Variants in LYZL1 observed in about 807,000 individuals in gnomAD.
LYZL1 encodes the protein lysozyme-like protein 1.
A neutral mutation model predicts 17.9 loss-of-function variants in LYZL1; 16 were observed. The observed-to-expected ratio is 0.90, with a 90% confidence interval of 0.61 to 1.36. The LOEUF is 1.36. LYZL1 is among the 40% of genes most tolerant of loss of function. The pLI, the probability that LYZL1 is intolerant of heterozygous loss-of-function variation, is 0.00. For synonymous variants in LYZL1, 58 were observed against 71.8 expected (o/e 0.81, Z 0.97); for missense variants, 149 against 188.4 (o/e 0.79, Z 1.22).
At chr10:29,311,530 C>A (rs1835672682), downstream of LYZL1, among the ~76,000 whole-genome samples, 1 of 151,968 alleles carries the variant, frequency 6.6e-6, no homozygotes, top group Non-Finnish European at 1.5e-5. Flanking sequence ...AGCCTAGACA[C>A]CATTTATCTA....
chr10:29,296,854 G>T (rs534383717), intron 3 of LYZL1, among the ~76,000 whole-genome samples: 10 of 152,282 alleles, frequency 6.6e-5, no homozygotes, highest in Admixed American at 2.0e-4. Context: ...ACAGGGCTCT[G>T]CCAGCCTTTA....
Position 29,310,112 on chromosome 10 carries a change from T to A in LYZL1, c.301T>A (p.Leu101Met), listed in dbSNP as rs1389878345. The A allele has an allele frequency of 1.2e-5, 20 of 1,609,910 alleles. No homozygotes were observed. Among genetic ancestry groups the A allele is most frequent in the Non-Finnish European group, 1.6e-5 (19 of 1,176,508 alleles). ...CTGATGTCTTCTCTCTTTTACAGCC[T>A]TGATCACTGATGACCTCACAGATGC... ...NNHCHVACSA[L>M]ITDDLTDAII... The change falls in exon 4 of 5, where the codon TTG becomes ATG. Residue 101 changes from leucine to methionine, a missense_variant and splice_region_variant. By Grantham distance (15) the Leu-to-Met change is conservative. This residue lies in a region of LYZL1 where 130 missense variants were observed against 132.5 expected (regional missense o/e 0.98). Transcript: ENST00000649382.
At chr10:29,293,027 T>C (rs1476107583) in intron 3 of LYZL1, among the ~76,000 whole-genome samples, 2 of 152,190 alleles carry the variant, frequency 1.3e-5, no homozygotes, top group African/African-American at 4.8e-5. Context: ...GCTCAGAGGA[T>C]GCAGTTTGTA....
At chr10:29,303,949 G>A (rs1483846654) in intron 3 of LYZL1, among the ~76,000 whole-genome samples, 1 of 152,124 alleles carries the variant, frequency 6.6e-6, no homozygotes, top group Admixed American at 6.6e-5. Flanking sequence ...TGGTAGAGAA[G>A]GGGGTCTCGC....
chr10:29,294,615 A>C (rs913182108), intron 3 of LYZL1, among the ~76,000 whole-genome samples: 11 of 152,216 alleles, frequency 7.2e-5, no homozygotes. Context: ...GAGCTCAATA[A>C]ATGTTTATTG....
At chr10:29,311,365 CTG>C, downstream of LYZL1, 1 of 649,190 alleles carries the variant, frequency 1.5e-6, no homozygotes, top group Non-Finnish European at 2.2e-6. Context: ...GGCCCTGAAA[CTG>C]CTGCTCATTC....
intron 2 of LYZL1, 72 bp downstream of exon 2, chr10:29,292,078 A>C: frequency 1.3e-6 from 2 of 1,533,828 alleles, no homozygotes; most frequent in Non-Finnish European, 1.8e-6. Flanking sequence ...TCCTGGCCAC[A>C]CTCCCTGCTG....
intron 3 of LYZL1, among the ~76,000 whole-genome samples, chr10:29,297,228 GA>G (rs1393687919): frequency 4.0e-5 from 6 of 151,852 alleles, no homozygotes; most frequent in Non-Finnish European, 7.4e-5. Context: ...AAAGCAGAGT[GA>G]AAAAAAGAGA....
intron 3 of LYZL1, among the ~76,000 whole-genome samples, chr10:29,295,997 C>A (rs1327541866): frequency 6.6e-6 from 1 of 152,104 alleles, no homozygotes; most frequent in Non-Finnish European, 1.5e-5. Flanking sequence ...ACAGACCTGT[C>A]AGCACTTTGA....
rs1564394495 is a variant in LYZL1, at chr10:29,311,140, C to T, written c.*81C>T. The stretch of plus-strand genomic sequence containing the variant: ...TCCAAATGCCTGTGTCATCTTGTCC[C>T]GTTTCCTCCCAATATTCCTTCTCAA... On this transcript the variant is annotated 3_prime_UTR_variant, in exon 5 of 5. Coordinates refer to ENST00000649382, the MANE Select transcript of LYZL1 (RefSeq NM_032517.6). 29 of 1,612,916 alleles carry T rather than the reference C, an allele frequency of 1.8e-5. No homozygotes were observed. Among genetic ancestry groups the T allele is most frequent in the East Asian group, 4.5e-5 (2 of 44,844 alleles).
At chr10:29,289,941 T>A (rs994487634) in intron 1 of LYZL1, among the ~76,000 whole-genome samples, 3 of 152,212 alleles carry the variant, frequency 2.0e-5, no homozygotes, top group African/African-American at 7.2e-5. Flanking sequence ...CAATAAAACT[T>A]TACATACAAA....
chr10:29,300,251 A>G (rs1228877925), intron 3 of LYZL1, among the ~76,000 whole-genome samples: 1 of 152,090 alleles, frequency 6.6e-6, no homozygotes, highest in East Asian at 1.9e-4. Flanking sequence ...TAAAAAAAAA[A>G]TTATTATTCT....
At chr10:29,291,578 T>C (rs1318309141) in intron 1 of LYZL1, among the ~76,000 whole-genome samples, 1 of 151,898 alleles carries the variant, frequency 6.6e-6, no homozygotes, top group Non-Finnish European at 1.5e-5. Flanking sequence ...CACCTGGATG[T>C]GTATTAAGGA....
In LYZL1 at chr10:29,310,688, G is replaced by A. The variant is rs139033009; in HGVS notation, c.378-302G>A. On this transcript the variant is annotated intron_variant, in intron 4 of 4. Coordinates refer to ENST00000649382, the MANE Select transcript of LYZL1 (RefSeq NM_032517.6). ...TTGCATTCGCTGCTGCTGTGTTCTG[G>A]TGAACGTTGCCAGCCGGCCCCACTC... is the stretch of plus-strand genomic sequence containing the variant. 4.6e-3 allele frequency among the ~76,000 whole-genome samples: 702 copies of A among 152,294 alleles called. 2 individuals carry two copies. The highest frequency in any genetic ancestry group is 7.2e-3 in the Non-Finnish European group (487 of 68,024).
chr10:29,290,530 G>A (rs1228047140), intron 1 of LYZL1, among the ~76,000 whole-genome samples: 1 of 152,200 alleles, frequency 6.6e-6, no homozygotes, highest in Non-Finnish European at 1.5e-5. Flanking sequence ...CAATGCATTT[G>A]CAATCTAAGA....
rs1331389665 is a variant in LYZL1, at chr10:29,310,971, G to C, written c.378-19G>C. 2 of 1,614,166 alleles carry C rather than the reference G, an allele frequency of 1.2e-6. No homozygotes were observed. The highest frequency in any genetic ancestry group is 2.2e-5 in the East Asian group (1 of 44,876). ...TGTCACGCTTCTTTCTGCTGCTCCT[G>C]CTTCCCTCTCATCCTCAGGCAAGGC... On this transcript the variant is annotated intron_variant, in intron 4 of 4. Transcript: ENST00000649382.
rs185549896 is a variant in LYZL1, at chr10:29,309,315, T to C, written c.299-795T>C. On this transcript the variant is annotated intron_variant, in intron 3 of 4. Transcript: ENST00000649382. ...CTGCACTCCAGCCTGGGTGACAGAATGAGATTCTGTCTCACAAAAACAAAA... is the reference window on the plus strand; with the variant it reads ...CTGCACTCCAGCCTGGGTGACAGAACGAGATTCTGTCTCACAAAAACAAAA... Among the ~76,000 whole-genome samples, 642 of 152,078 alleles carry C rather than the reference T, an allele frequency of 4.2e-3. 6 individuals are homozygous for C. The highest frequency in any genetic ancestry group is 0.014 in the African/African-American group (590 of 41,496).
At chr10:29,306,071 G>A (rs1835585007) in intron 3 of LYZL1, among the ~76,000 whole-genome samples, 1 of 152,160 alleles carries the variant, frequency 6.6e-6, no homozygotes, top group South Asian at 2.1e-4. Flanking sequence ...AAGAGCATTG[G>A]TGATCCCACA....
intron 3 of LYZL1, among the ~76,000 whole-genome samples, chr10:29,294,274 C>T (rs1346608330): frequency 6.6e-6 from 1 of 152,156 alleles, no homozygotes; most frequent in Non-Finnish European, 1.5e-5. Context: ...TCACTGATTT[C>T]TGCCTGCAAG....
Sources: gnomAD v4.1 joint callset for allele counts (sites outside exome capture counted in the v4.1 genomes callset) on GRCh38, gnomAD v4.1.1 for gene constraint, gnomAD v4.1.1 regional missense constraint, MANE v1.5 for transcripts, NCBI Gene and HGNC (gene_info 2026-07-23, HGNC 2026-07-21) for gene names.